Variants in TMEM41A observed in about 807,000 individuals in gnomAD.
TMEM41A encodes transmembrane protein 41A.
A neutral mutation model predicts 25.7 loss-of-function variants in TMEM41A; 20 were observed. That is an observed-to-expected ratio of 0.78 (90% CI 0.55 to 1.13). TMEM41A has a LOEUF of 1.13. Ranked by LOEUF, TMEM41A falls within the 50% of genes most tolerant of loss-of-function variation. The pLI is 0.00. For missense variants in TMEM41A, 299 were observed against 314.3 expected (o/e 0.95, Z 0.37); for synonymous variants, 133 against 139.6 (o/e 0.95, Z 0.33).
At chr3:185,492,062 T>C (rs1718973772) in intron 4 of TMEM41A, among the ~76,000 whole-genome samples, 1 of 152,110 alleles carries the variant, frequency 6.6e-6, no homozygotes, top group African/African-American at 2.4e-5. Context: ...TCCCAGCACT[T>C]TGGGAGGCCG....
rs1219539212 is a variant in TMEM41A at position 185,495,259 on chromosome 3, C to T, written c.330G>A (p.Val110=). ...GPWLGLLLCC[V]LTSVGATCCY... The stretch of plus-strand genomic sequence containing the variant: ...AGCATGTGGCACCCACCGAGGTCAA[C>T]ACACAGCACAGCAGAAGCCCCAGCC... Residue 110 remains valine (V), a synonymous_variant, in exon 3 of 5, where the codon GTG becomes GTA. Transcript: ENST00000421852. 1 of 1,613,970 alleles carries T rather than the reference C, an allele frequency of 6.2e-7. No homozygotes were observed. Among genetic ancestry groups the T allele is most frequent in the South Asian group, 1.1e-5 (1 of 91,070 alleles).
rs777911381 is a variant in TMEM41A at position 185,495,238 on chromosome 3, TG to T, written c.350del (p.Thr117AsnfsTer44). On this transcript the variant is annotated frameshift_variant, in exon 3 of 5. Transcript: ENST00000421852. ...AAATACTGGAGAGCAGGTAGCAGCA[TG>T]TGGCACCCACCGAGGTCAACACACA... ...LCCVLTSVGA[T>X]CCYLLSSIFG... is the part of the protein sequence containing the mutation. 6.2e-7 allele frequency: 1 copy of T among 1,613,848 alleles called. No individual in the cohort carries two copies. The highest frequency in any genetic ancestry group is 1.1e-5 in the South Asian group (1 of 91,060).
At chr3:185,492,923 G>C (rs191164837) in intron 4 of TMEM41A, 4 of 152,328 alleles carry the variant, frequency 2.6e-5, no homozygotes, top group Admixed American at 2.6e-4. Flanking sequence ...CTGAGGGCCT[G>C]AGGCACTTTG....
chr3:185,495,877 G>A (rs1032478951), intron 2 of TMEM41A: 2 of 153,162 alleles, frequency 1.3e-5, no homozygotes, highest in African/African-American at 4.8e-5. Context: ...TGGGATCTGT[G>A]GCTGTGGTAG....
intron 2 of TMEM41A, chr3:185,496,041 C>T (rs901914439): frequency 6.5e-6 from 1 of 153,800 alleles, no homozygotes; most frequent in African/African-American, 2.4e-5. Flanking sequence ...GCTGGAATTA[C>T]ATCTATGCAG....
rs890199977 is a variant in TMEM41A at position 185,490,431 on chromosome 3, T to C, written c.*1106A>G. 2.6e-5 allele frequency: 4 copies of C among 152,220 alleles called. No individual in the cohort carries two copies. Among genetic ancestry groups the C allele is most frequent in the Admixed American group, 2.6e-4 (4 of 15,266 alleles). The allele number at this position is 152,220 out of a possible 1,614,324, so 9.4% of individuals were successfully genotyped here. On this transcript the variant is annotated 3_prime_UTR_variant, in exon 5 of 5. Transcript: ENST00000421852. ...GACAGATAAAATGTTTGCCTGGTCATGATTCAGGTGAGTCAAGGGCCCTGC... is the reference window on the plus strand; with the variant it reads ...GACAGATAAAATGTTTGCCTGGTCACGATTCAGGTGAGTCAAGGGCCCTGC...
At chr3:185,492,846 C>T (rs61016957) in intron 4 of TMEM41A, 73,044 of 152,042 alleles carry the variant, frequency 0.48, 17,829 homozygotes, top group Middle Eastern at 0.52. Flanking sequence ...GGACAGGAAG[C>T]CTGGTCTCCA....
In TMEM41A at chr3:185,496,946, C is replaced by T. The variant is rs926680973; in HGVS notation, c.155G>A (p.Arg52Gln). The T allele has an allele frequency of 1.9e-6, 3 of 1,599,808 alleles. No homozygotes were observed. The highest frequency in any genetic ancestry group is 2.7e-5 in the African/African-American group (2 of 74,800). Residue 52 changes from arginine (R) to glutamine (Q), a missense_variant, in exon 2 of 5, where the codon CGG becomes CAG. Transcript: ENST00000421852. Reference protein sequence around the residue: ...LWFPSDLAELRELSEVLREYR... With the variant: ...LWFPSDLAELQELSEVLREYR... ...CTCTCGAAGGACCTCAGAGAGCTCCCGCAGCTCTGCCAGGTCGGAGGGGAA... is the reference window on the plus strand; with the variant it reads ...CTCTCGAAGGACCTCAGAGAGCTCCTGCAGCTCTGCCAGGTCGGAGGGGAA...
intron 2 of TMEM41A, chr3:185,496,126 G>C (rs1025599939): frequency 2.6e-5 from 4 of 153,962 alleles, no homozygotes; most frequent in African/African-American, 9.7e-5. Flanking sequence ...AAGAAAAAGG[G>C]AAAAGTGAAC....
At position 185,498,094 on chromosome 3, in the gene TMEM41A, G is replaced by A. The variant is rs1250707528; in HGVS notation, c.119+749C>T. ...CAACATAATGAGACCCCCCCCCCGC[G>A]TCCCTACTAAAAATACAAAAATTAG... On this transcript the variant is annotated intron_variant, in intron 1 of 4. Coordinates refer to ENST00000421852, the MANE Select transcript of TMEM41A (RefSeq NM_080652.4). 2.6e-3 allele frequency among the ~76,000 whole-genome samples: 168 copies of A among 64,014 alleles called. 1 individual carries two copies. Among genetic ancestry groups the A allele is most frequent in the African/African-American group, 0.011 (162 of 15,358 alleles). The allele number at this position is 64,014 out of a possible 152,430, so 42.0% of individuals were successfully genotyped here.
In TMEM41A at chr3:185,490,274, TTA is replaced by T. The variant is rs1274456548; in HGVS notation, c.*1261_*1262del. 6.6e-6 allele frequency: 1 copy of T among 152,006 alleles called. No individual in the cohort carries two copies. Among genetic ancestry groups the T allele is most frequent in the Non-Finnish European group, 1.5e-5 (1 of 68,004 alleles). The allele number at this position is 152,006 out of a possible 1,614,324, so 9.4% of individuals were successfully genotyped here. On this transcript the variant is annotated 3_prime_UTR_variant, in exon 5 of 5. Coordinates refer to ENST00000421852, the MANE Select transcript of TMEM41A (RefSeq NM_080652.4). ...TTTCCTCTTTGAATTAAAAGATAAATTAAAAGATACAATTGTTTAGTTACTCT... is the reference window on the plus strand; with the variant it reads ...TTTCCTCTTTGAATTAAAAGATAAATAAAGATACAATTGTTTAGTTACTCT...
In TMEM41A at chr3:185,495,210, CA is replaced by C; in HGVS notation, c.378del (p.Phe126LeufsTer35). The part of the protein sequence containing the change: ...ATCCYLLSSI[F>X]GKQLVVSYFP... ...AAGTAGGACACCACCAACTGTTTGC[CA>C]AAAATACTGGAGAGCAGGTAGCAGC... On this transcript the variant is annotated frameshift_variant, in exon 3 of 5. Coordinates refer to ENST00000421852, the MANE Select transcript of TMEM41A (RefSeq NM_080652.4). 1 of 1,613,800 alleles carries C rather than the reference CA, an allele frequency of 6.2e-7. No homozygotes were observed. The highest frequency in any genetic ancestry group is 8.5e-7 in the Non-Finnish European group (1 of 1,179,994).
In TMEM41A at chr3:185,499,024, G is replaced by A. The variant is rs1012612024; in HGVS notation, c.-63C>T. On this transcript the variant is annotated 5_prime_UTR_variant, in exon 1 of 5. Transcript: ENST00000421852. ...GCTCACTTGCACTCCGGGACGCAGC[G>A]GCGGGCGGACTGAGCCCGCGGAGCA... The A allele has an allele frequency of 2.1e-6, 3 of 1,445,454 alleles. No homozygotes were observed. Among genetic ancestry groups the A allele is most frequent in the East Asian group, 2.6e-5 (1 of 39,172 alleles). 89.5% of individuals were successfully genotyped at this position (1,445,454 alleles called of 1,614,324 possible).
Position 185,498,993 on chromosome 3 carries a change from C to T in TMEM41A, c.-32G>A. ...TCCGCACCCCGGCCCGCGGGGCAGCCGAGAAGCTCACTTGCACTCCGGGAC... is the reference window on the plus strand; with the variant it reads ...TCCGCACCCCGGCCCGCGGGGCAGCTGAGAAGCTCACTTGCACTCCGGGAC... On this transcript the variant is annotated 5_prime_UTR_variant, in exon 1 of 5. Coordinates refer to ENST00000421852, the MANE Select transcript of TMEM41A (RefSeq NM_080652.4). 6.4e-7 allele frequency: 1 copy of T among 1,565,798 alleles called. No homozygotes were observed. Among genetic ancestry groups the T allele is most frequent in the Non-Finnish European group, 8.7e-7 (1 of 1,151,940 alleles).
At chr3:185,495,726 GCCACTGC>G (rs1334098973) in intron 2 of TMEM41A, 2 of 172,090 alleles carry the variant, frequency 1.2e-5, no homozygotes, top group Non-Finnish European at 2.5e-5. Flanking sequence ...ACAGGCGTGA[GCCACTGC>G]CCCAGGTCCC....
chr3:185,498,731 A>G (rs1288743228), intron 1 of TMEM41A, 112 bp downstream of exon 1: 3 of 804,098 alleles, frequency 3.7e-6, no homozygotes, highest in Non-Finnish European at 5.8e-6. Flanking sequence ...GTGAACCTCA[A>G]TTCCCAACGC....
intron 3 of TMEM41A, 160 bp from the exon 4 acceptor site, chr3:185,494,921 C>T (rs1334040841): frequency 5.9e-6 from 6 of 1,025,526 alleles, no homozygotes; most frequent in African/African-American, 1.6e-5. Context: ...TTAAAATAGA[C>T]ATGCTGAGGA....
At position 185,490,055 on chromosome 3, in the gene TMEM41A, A is replaced by G. The variant is rs1008705278; in HGVS notation, c.*1482T>C. ...AACCCAGCAGATGATGCCCAAAAGC[A>G]GCAGTCTGGTAAGTCCTGATGAGTT... On this transcript the variant is annotated 3_prime_UTR_variant, in exon 5 of 5. Coordinates refer to ENST00000421852, the MANE Select transcript of TMEM41A (RefSeq NM_080652.4). 24 of 152,242 alleles carry G rather than the reference A, an allele frequency of 1.6e-4. No individual in the cohort carries two copies. Among genetic ancestry groups the G allele is most frequent in the African/African-American group, 5.3e-4 (22 of 41,468 alleles). 9.4% of individuals were successfully genotyped at this position (152,242 alleles called of 1,614,324 possible).
At position 185,498,953 on chromosome 3, in the gene TMEM41A, C is replaced by G; in HGVS notation, c.9G>C (p.Pro3=). The G allele has an allele frequency of 6.3e-7, 1 of 1,599,706 alleles. No homozygotes were observed. Among genetic ancestry groups the G allele is most frequent in the Non-Finnish European group, 8.5e-7 (1 of 1,174,274 alleles). ...CGAAGACCAGAAGGAGGCCGAGAAG[C>G]GGGCGCATGTCGGCTCCGCACCCCG... MR[P]LLGLLLVFAG... The change falls in exon 1 of 5, where the codon CCG becomes CCC. Residue 3 remains proline, a synonymous_variant. Coordinates refer to ENST00000421852, the MANE Select transcript of TMEM41A (RefSeq NM_080652.4).
Sources: gnomAD v4.1 joint callset for allele counts (sites outside exome capture counted in the v4.1 genomes callset) on GRCh38, gnomAD v4.1.1 for gene constraint, MANE v1.5 for transcripts, NCBI Gene and HGNC (gene_info 2026-07-23, HGNC 2026-07-21) for gene names.